Variants in API5 observed in about 807,000 individuals in gnomAD.
The protein encoded by API5 is apoptosis inhibitor 5.
A neutral mutation model predicts 71.9 loss-of-function variants in API5; 6 were observed. That is an observed-to-expected ratio of 0.08 (90% CI 0.05 to 0.16). The LOEUF (loss-of-function observed/expected upper bound fraction) is 0.16. API5 is among the 10% of genes least tolerant of loss of function. API5 has a pLI of 1.00. For missense variants in API5, 332 were observed against 612.8 expected, an observed-to-expected ratio of 0.54 and a Z score of 4.84; for synonymous variants, 189 against 221.3, an observed-to-expected ratio of 0.85 and a Z score of 1.30.
At chr11:43,335,229 T>C (rs552775713) in intron 11 of API5, 49 bp from the exon 12 acceptor site, 1 of 1,372,904 alleles carries the variant, frequency 7.3e-7, no homozygotes, top group South Asian at 1.2e-5. Context: ...CACCACTCCC[T>C]GCCACCAACA....
At chr11:43,318,824 A>G in intron 2 of API5, 23 bp downstream of exon 2, 3 of 1,602,228 alleles carry the variant, frequency 1.9e-6, no homozygotes, top group African/African-American at 2.7e-5. Flanking sequence ...ATGACACTTC[A>G]TAGCAATCTT....
At position 43,329,982 on chromosome 11, in the gene API5, G is replaced by A. The variant is rs1177935849; in HGVS notation, c.1145G>A (p.Arg382Gln). ...TCATTTAGGCTGCAGTACTTTGCAC[G>A]GGGCCTGCAAGTTTATATCAGACAA... ...DFKIRLQYFA[R>Q]GLQVYIRQLR... Residue 382 changes from arginine to glutamine, a missense_variant, in exon 10 of 14, where the codon CGG (arginine) becomes CAG (glutamine). This residue lies in a region of API5 where 168 missense variants were observed against 343.9 expected (regional missense o/e 0.49). Coordinates refer to ENST00000531273, the MANE Select transcript of API5 (RefSeq NM_001142930.2). 1.4e-5 allele frequency: 22 copies of A among 1,613,674 alleles called. No homozygotes were observed. Among genetic ancestry groups the A allele is most frequent in the South Asian group, 9.9e-5 (9 of 91,068 alleles).
intron 9 of API5, among the ~76,000 whole-genome samples, chr11:43,329,652 C>T (rs542663921): frequency 3.3e-5 from 5 of 152,318 alleles, no homozygotes; most frequent in African/African-American, 1.2e-4. Flanking sequence ...AGAAGCAGCA[C>T]TGGAGAAGTC....
chr11:43,326,477 G>A (rs967532295), intron 6 of API5, 30 bp from the exon 7 acceptor site: 23 of 1,361,096 alleles, frequency 1.7e-5, no homozygotes, highest in Admixed American at 3.5e-5. Flanking sequence ...TTTGTTTTTC[G>A]ACAATGCATT....
In API5 at chr11:43,342,671, C is replaced by T. The variant is rs1404226747; in HGVS notation, c.*161C>T. ...ATGTATGACCTACTTTTGTAACAGA[C>T]CATGGTTGTGTCCAAGGTAAAACCA... On this transcript the variant is annotated 3_prime_UTR_variant, in exon 14 of 14. Transcript: ENST00000531273. 1.3e-6 allele frequency: 1 copy of T among 764,654 alleles called. No homozygotes were observed. Among genetic ancestry groups the T allele is most frequent in the South Asian group, 1.5e-5 (1 of 68,592 alleles). The allele number at this position is 764,654 out of a possible 1,614,324, so 47.4% of individuals were successfully genotyped here.
rs145203688 is a variant in API5 at position 43,325,947 on chromosome 11, C to T, written c.751-560C>T. Among the ~76,000 whole-genome samples the T allele has an allele frequency of 5.1e-3, 772 of 152,218 alleles. 5 individuals are homozygous for T. The highest frequency in any genetic ancestry group is 0.017 in the African/African-American group (725 of 41,556). On this transcript the variant is annotated intron_variant, in intron 6 of 13. Coordinates refer to ENST00000531273, the MANE Select transcript of API5 (RefSeq NM_001142930.2). Reference sequence around the variant, plus strand: ...GTTGGCCAAAGATTGAGCAGGAAAACGCCTAGGAAAGCATCACCAGAGTTC... The same window carrying T: ...GTTGGCCAAAGATTGAGCAGGAAAATGCCTAGGAAAGCATCACCAGAGTTC...
intron 6 of API5, among the ~76,000 whole-genome samples, chr11:43,323,891 A>C (rs1001336892): frequency 6.6e-6 from 1 of 152,218 alleles, no homozygotes; most frequent in Non-Finnish European, 1.5e-5. Context: ...TTGGTGCTCA[A>C]AAAGTTTTGG....
chr11:43,336,296 T>C, intron 13 of API5: 1 of 395,636 alleles, frequency 2.5e-6, no homozygotes, highest in Non-Finnish European at 4.5e-6. Flanking sequence ...TTTCCATGCT[T>C]TCCCAGTTGC....
chr11:43,313,271 C>T (rs1159115804), intron 1 of API5, among the ~76,000 whole-genome samples: 1 of 152,150 alleles, frequency 6.6e-6, no homozygotes, highest in Non-Finnish European at 1.5e-5. Flanking sequence ...CACAGTTTCT[C>T]AGCAGTGTTG....
rs1854784541 is a variant in API5 at position 43,319,345 on chromosome 11, A to G, written c.231+544A>G. Reference sequence around the variant, plus strand: ...GCTGCTGACACAGGTTCCTAAGAATATTCAGCCGTTAGCTCTTGTCTTTTC... The same window carrying G: ...GCTGCTGACACAGGTTCCTAAGAATGTTCAGCCGTTAGCTCTTGTCTTTTC... On this transcript the variant is annotated intron_variant, in intron 2 of 13. Transcript: ENST00000531273. 2.0e-5 allele frequency among the ~76,000 whole-genome samples: 3 copies of G among 152,196 alleles called. No individual in the cohort carries two copies. In the South Asian group the frequency reaches 6.2e-4, roughly 32 times the overall value.
intron 11 of API5, chr11:43,332,140 A>C (rs1433325179): frequency 6.6e-6 from 1 of 152,198 alleles, no homozygotes; most frequent in Non-Finnish European, 1.5e-5. Flanking sequence ...ACCTGTGTGT[A>C]GAGTGCTCTG....
intron 13 of API5, among the ~76,000 whole-genome samples, chr11:43,341,428 C>T (rs550886216): frequency 6.6e-6 from 1 of 152,204 alleles, no homozygotes; most frequent in African/African-American, 2.4e-5. Flanking sequence ...AATGTCCTTT[C>T]ATTTGCAGCA....
intron 1 of API5, among the ~76,000 whole-genome samples, chr11:43,312,805 G>A (rs1238598028): frequency 1.3e-5 from 2 of 152,072 alleles, no homozygotes; most frequent in African/African-American, 2.4e-5. Flanking sequence ...AGGGAGTGTA[G>A]TAAGAAAGAT....
intron 1 of API5, chr11:43,318,339 A>C: frequency 7.8e-7 from 1 of 1,289,820 alleles, no homozygotes; most frequent in Non-Finnish European, 1.1e-6. Context: ...TGATACAGTC[A>C]CATGGCCAGA....
At chr11:43,330,903 AG>A (rs138609974) in intron 11 of API5, among the ~76,000 whole-genome samples, 8,524 of 152,252 alleles carry the variant, frequency 0.056, 276 homozygotes, top group African/African-American at 0.093. Flanking sequence ...ACTGTAGGCT[AG>A]GGTATACCTT....
chr11:43,330,463 TAG>T (rs1565108697), intron 10 of API5, 43 bp from the exon 11 acceptor site: 4 of 1,345,308 alleles, frequency 3.0e-6, no homozygotes. Flanking sequence ...TTATGCCTCA[TAG>T]AAGTTATTGG....
chr11:43,316,608 G>A (rs138242059), intron 1 of API5, among the ~76,000 whole-genome samples: 4 of 152,144 alleles, frequency 2.6e-5, no homozygotes, highest in East Asian at 3.9e-4. Flanking sequence ...TAATGTTTGC[G>A]GTGAAAAGTA....
intron 1 of API5, among the ~76,000 whole-genome samples, chr11:43,313,415 T>G (rs1854558714): frequency 6.6e-6 from 1 of 152,162 alleles, no homozygotes; most frequent in Non-Finnish European, 1.5e-5. Context: ...TGATCATTGT[T>G]TTAGAAATCC....
chr11:43,321,236 T>G (rs1302951909), intron 3 of API5, among the ~76,000 whole-genome samples, 175 bp from the exon 4 acceptor site: 1 of 152,204 alleles, frequency 6.6e-6, no homozygotes, highest in Non-Finnish European at 1.5e-5. Flanking sequence ...GCATGCCAGA[T>G]CGGGTTCTCA....
Sources: allele counts gnomAD v4.1 joint callset (sites outside exome capture counted in the v4.1 genomes callset), GRCh38; gene constraint gnomAD v4.1.1; regional missense constraint gnomAD v4.1.1; transcripts MANE v1.5; gene names NCBI Gene and HGNC (gene_info 2026-07-23, HGNC 2026-07-21).